The following STK3 variants were observed in gnomAD, a reference collection of about 807,000 sequenced individuals.
The protein encoded by STK3 is serine/threonine kinase 3.
A neutral mutation model predicts 58.0 loss-of-function variants in STK3; 41 were observed. That is an observed-to-expected ratio of 0.71 (90% confidence interval 0.55 to 0.92). The LOEUF is 0.92. Ranked by LOEUF, STK3 falls within the 40% of genes least tolerant of loss-of-function variation. STK3 has a pLI of 0.00. For missense variants in STK3, 479 were observed against 602.7 expected, an observed-to-expected ratio of 0.79 and a Z score of 2.15; for synonymous variants, 170 against 191.0, an observed-to-expected ratio of 0.89 and a Z score of 0.91.
At chr8:98,559,564 T>C (rs1246850942) in intron 8 of STK3, among the ~76,000 whole-genome samples, 1 of 152,160 alleles carries the variant, frequency 6.6e-6, no homozygotes, top group Non-Finnish European at 1.5e-5. Flanking sequence ...GCTCATGGTT[T>C]AACTACCAAC....
intron 10 of STK3, among the ~76,000 whole-genome samples, chr8:98,520,595 C>G (rs1825279490): frequency 6.6e-6 from 1 of 151,772 alleles, no homozygotes; most frequent in Non-Finnish European, 1.5e-5. Flanking sequence ...AGGATGAAGC[C>G]TTCTCTGTCC....
At chr8:98,528,923 T>C (rs1379195744) in intron 9 of STK3, among the ~76,000 whole-genome samples, 1 of 152,204 alleles carries the variant, frequency 6.6e-6, no homozygotes, top group African/African-American at 2.4e-5. Flanking sequence ...ATTTTTAATA[T>C]AAAACATCCC....
chr8:98,734,753 A>G (rs1427479938), intron 4 of STK3, among the ~76,000 whole-genome samples: 1 of 152,028 alleles, frequency 6.6e-6, no homozygotes, highest in African/African-American at 2.4e-5. Flanking sequence ...AAATTTCTTC[A>G]TGGGAAACCT....
rs539057765 is a variant in STK3 at position 98,566,456 on chromosome 8, G to A, written c.948+13208C>T. 7.9e-5 allele frequency among the ~76,000 whole-genome samples: 12 copies of A among 152,004 alleles called. 1 individual carries two copies. The highest frequency in any genetic ancestry group is 6.5e-4 in the Admixed American group (10 of 15,268). On this transcript the variant is annotated intron_variant, in intron 8 of 10. Transcript: ENST00000419617. ...AACCCATACATTTTCTGAAAATTAT[G>A]TTAAGAATGCAGGATCCACACACAA...
At chr8:98,403,347 A>C (rs1246546396) in intron 3 of STK3, among the ~76,000 whole-genome samples, 1 of 152,214 alleles carries the variant, frequency 6.6e-6, no homozygotes, top group Non-Finnish European at 1.5e-5. Flanking sequence ...CCCCCATAGA[A>C]GTACCCCCTA....
At chr8:98,390,486 T>C (rs1415384077), upstream of STK3, among the ~76,000 whole-genome samples, 1 of 152,228 alleles carries the variant, frequency 6.6e-6, no homozygotes, top group East Asian at 1.9e-4. Context: ...CATTTGATTA[T>C]GAAGTGGCTG....
chr8:98,523,374 CCT>C (rs1491165378), intron 10 of STK3, among the ~76,000 whole-genome samples: 3 of 147,884 alleles, frequency 2.0e-5, no homozygotes, highest in African/African-American at 7.5e-5. Flanking sequence ...AGTCCTTTGC[CCT>C]TTTTTTTTTT....
chr8:98,424,692 T>C (rs538086380), intron 3 of STK3, among the ~76,000 whole-genome samples: 3 of 152,030 alleles, frequency 2.0e-5, no homozygotes, highest in Admixed American at 2.0e-4. Context: ...GGCAGATACA[T>C]GAAGCAGGGG....
At chr8:98,861,503 A>C (rs1836936715) in intron 3 of STK3, among the ~76,000 whole-genome samples, 2 of 151,774 alleles carry the variant, frequency 1.3e-5, no homozygotes, top group Admixed American at 1.3e-4. Context: ...GCACGCCACC[A>C]TGCCCGGCTA....
At chr8:98,882,957 C>T (rs190121205), downstream of STK3, 1 of 152,168 alleles carries the variant, frequency 6.6e-6, no homozygotes, top group African/African-American at 2.4e-5. Flanking sequence ...ACCACATCAT[C>T]GTAGGAACCT....
chr8:98,901,022 T>C (rs1213325701), intron 1 of STK3, among the ~76,000 whole-genome samples: 1 of 152,218 alleles, frequency 6.6e-6, no homozygotes, highest in African/African-American at 2.4e-5. Flanking sequence ...TCATAAATAA[T>C]ATGAATACTA....
At chr8:98,727,430 T>A (rs1331077163) in intron 4 of STK3, among the ~76,000 whole-genome samples, 1 of 152,140 alleles carries the variant, frequency 6.6e-6, no homozygotes. Context: ...TGAGCAAGGG[T>A]TATGTGAACA....
intron 1 of STK3, among the ~76,000 whole-genome samples, chr8:98,803,603 A>AAAAAG (rs1833722217): frequency 7.6e-6 from 1 of 131,350 alleles, no homozygotes; most frequent in Non-Finnish European, 1.6e-5. Flanking sequence ...CAAAAAAAAA[A>AAAAAG]AAAAAGAAAA....
chr8:98,405,285 A>G (rs1817983301), intron 3 of STK3, among the ~76,000 whole-genome samples: 1 of 152,154 alleles, frequency 6.6e-6, no homozygotes, highest in African/African-American at 2.4e-5. Flanking sequence ...TGCCCCTAGG[A>G]GAGGGGTGAC....
At chr8:98,740,884 A>G (rs1829144171) in intron 4 of STK3, among the ~76,000 whole-genome samples, 1 of 152,206 alleles carries the variant, frequency 6.6e-6, no homozygotes. Flanking sequence ...GGCTCAAAAT[A>G]AAAGGATGGA....
chr8:98,551,549 G>A (rs1321863981), intron 8 of STK3, among the ~76,000 whole-genome samples: 3 of 152,096 alleles, frequency 2.0e-5, no homozygotes, highest in African/African-American at 4.8e-5. Context: ...GCCTGATAGC[G>A]AAAGCTATCA....
intron 8 of STK3, among the ~76,000 whole-genome samples, chr8:98,549,096 C>T (rs1810956653): frequency 6.6e-6 from 1 of 152,138 alleles, no homozygotes; most frequent in Admixed American, 6.6e-5. Flanking sequence ...GTTTGAATCC[C>T]TATTTTCAGT....
rs148802629 is a variant in STK3, at chr8:98,465,960, T to C, written c.1318-9960A>G. Among the ~76,000 whole-genome samples, 272 of 152,338 alleles carry C rather than the reference T, an allele frequency of 1.8e-3. 2 individuals carry two copies. The highest frequency in any genetic ancestry group is 6.1e-3 in the African/African-American group (252 of 41,580). ...ACTTAATTTGGGCACACTTCTGATA[T>C]ATTGTAAGCAGCTCTAACATTCTAG... On this transcript the variant is annotated intron_variant, in intron 10 of 10. Coordinates refer to ENST00000419617, the MANE Select transcript of STK3 (RefSeq NM_006281.4).
intron 4 of STK3, among the ~76,000 whole-genome samples, chr8:98,740,443 G>C (rs928728690): frequency 2.4e-4 from 37 of 152,250 alleles, no homozygotes; most frequent in South Asian, 1.2e-3. Flanking sequence ...CAATATTCAA[G>C]ATTATTAAAG....
Sources: allele counts gnomAD v4.1 joint callset (sites outside exome capture counted in the v4.1 genomes callset), GRCh38; gene constraint gnomAD v4.1.1; transcripts MANE v1.5; gene names NCBI Gene and HGNC (gene_info 2026-07-23, HGNC 2026-07-21).